Variants in KIRREL3 observed in about 807,000 individuals in gnomAD.
KIRREL3 encodes the protein kin of IRRE-like protein 3.
In KIRREL3, 36 loss-of-function variants were observed where a neutral mutation model predicts 89.7. That is an observed-to-expected ratio of 0.40 (90% CI 0.31 to 0.53). The LOEUF (loss-of-function observed/expected upper bound fraction) is 0.53, where lower values mean the gene tolerates loss of function less well. Ranked by LOEUF, KIRREL3 falls within the 20% of genes least tolerant of loss-of-function variation. KIRREL3 has a pLI of 0.49. For missense variants in KIRREL3, 864 were observed against 1,056.6 expected (o/e 0.82, Z 2.53); for synonymous variants, 445 against 441.4 (o/e 1.01, Z -0.10).
rs771036286 is a variant in KIRREL3 at position 126,444,985 on chromosome 11, C to T, written c.1246G>A (p.Val416Ile). The T allele has an allele frequency of 2.3e-5, 37 of 1,613,716 alleles. No homozygotes were observed. The highest frequency in any genetic ancestry group is 2.7e-5 in the African/African-American group (2 of 74,938). ...GAGEREVTLTVNGPPIISSTQ... is the reference protein window; with the variant it reads ...GAGEREVTLTINGPPIISSTQ... ...ACCCCAGCGAGGGTCTTACCATTGA[C>T]GGTCAGGGTCACCTCTCTCTCCCCG... Residue 416 changes from valine (V) to isoleucine (I), a missense_variant, in exon 10 of 17, where the codon GTC becomes ATC. Val to Ile is a conservative substitution (Grantham distance 29, BLOSUM62 3). Transcript: ENST00000525144.
rs996940551 is a variant in KIRREL3 at position 126,651,406 on chromosome 11, C to G, written c.56-88494G>C. 6.6e-6 allele frequency among the ~76,000 whole-genome samples: 1 copy of G among 152,218 alleles called. No individual in the cohort carries two copies. Among genetic ancestry groups the G allele is most frequent in the Non-Finnish European group, 1.5e-5 (1 of 68,046 alleles). ...ACTATTTTTGAGAACCATGCATGCT[C>G]TTTCCAGATATCAGTGGACAGCATC... On this transcript the variant is annotated intron_variant, in intron 1 of 16. Coordinates refer to ENST00000525144, the MANE Select transcript of KIRREL3 (RefSeq NM_032531.4). This position sits in a 1 kb window ranked among gnomAD's most constrained non-coding sequence, Gnocchi z 4.6.
intron 1 of KIRREL3, among the ~76,000 whole-genome samples, chr11:126,861,203 A>G (rs1322407144): frequency 1.3e-5 from 2 of 152,122 alleles, no homozygotes; most frequent in African/African-American, 4.8e-5. Context: ...GGAATGTAAC[A>G]TTTAGGCTGC....
At chr11:126,732,272 G>A (rs1356842361) in intron 1 of KIRREL3, among the ~76,000 whole-genome samples, 3 of 152,174 alleles carry the variant, frequency 2.0e-5, no homozygotes, top group Non-Finnish European at 4.4e-5. Context: ...TAATGATTCC[G>A]CAGTTTATAA....
In KIRREL3 at chr11:126,521,265, C is replaced by A. The variant is rs1453458161; in HGVS notation, c.433+50G>T. On this transcript the variant is annotated intron_variant, in intron 4 of 16. Coordinates refer to ENST00000525144, the MANE Select transcript of KIRREL3 (RefSeq NM_032531.4). The surrounding 1 kb of genome is among the most constrained non-coding windows in gnomAD (Gnocchi z 4.1). ...AAAAAAATACCCTCTTGGAGCTGAG[C>A]CCTTGGTGCTTCACGCAGTGTCCCA... is the stretch of plus-strand genomic sequence containing the variant. 5.4e-6 allele frequency: 8 copies of A among 1,468,796 alleles called. No homozygotes were observed. Among genetic ancestry groups the A allele is most frequent in the African/African-American group, 2.8e-5 (2 of 70,940 alleles). 91.0% of individuals were successfully genotyped at this position (1,468,796 alleles called of 1,614,324 possible).
chr11:126,776,099 C>A lies in KIRREL3; in HGVS notation c.56-213187G>T, dbSNP rs1261086568. On this transcript the variant is annotated intron_variant, in intron 1 of 16. Coordinates refer to ENST00000525144, the MANE Select transcript of KIRREL3 (RefSeq NM_032531.4). The surrounding 1 kb of genome is among the most constrained non-coding windows in gnomAD (Gnocchi z 4.7). ...GCCTGGCCTGGGGATTGTGGGGTGACCTTCGCTGCAGGGGATCCCTGAGTT... is the reference window on the plus strand; with the variant it reads ...GCCTGGCCTGGGGATTGTGGGGTGAACTTCGCTGCAGGGGATCCCTGAGTT... Among the ~76,000 whole-genome samples the A allele has an allele frequency of 6.6e-6, 1 of 152,180 alleles. No individual in the cohort carries two copies. The highest frequency in any genetic ancestry group is 1.5e-5 in the Non-Finnish European group (1 of 68,036).
In KIRREL3 at chr11:126,710,258, G is replaced by C. The variant is rs1013691071; in HGVS notation, c.56-147346C>G. 7.9e-5 allele frequency among the ~76,000 whole-genome samples: 12 copies of C among 152,136 alleles called. No homozygotes were observed. The highest frequency in any genetic ancestry group is 2.9e-4 in the African/African-American group (12 of 41,434). On this transcript the variant is annotated intron_variant, in intron 1 of 16. Transcript: ENST00000525144. The surrounding 1 kb of genome is among the most constrained non-coding windows in gnomAD (Gnocchi z 4.2). The stretch of plus-strand genomic sequence containing the variant: ...TTCTCGGAGCAGTGCCTTGTCTTAG[G>C]GGGGCATGTTCACTGAACTCATGAG...
rs1187199869 is a variant in KIRREL3 at position 126,578,310 on chromosome 11, A to T, written c.56-15398T>A. On this transcript the variant is annotated intron_variant, in intron 1 of 16. Transcript: ENST00000525144. This position sits in a 1 kb window ranked among gnomAD's most constrained non-coding sequence, Gnocchi z 4.9. The stretch of plus-strand genomic sequence containing the variant: ...TCTGCAAATGCAAGACTCTGGCTTC[A>T]TTCCCTGGTCCTTCCTCAGTATCTC... 6.6e-6 allele frequency among the ~76,000 whole-genome samples: 1 copy of T among 152,338 alleles called. No homozygotes were observed. The highest frequency in any genetic ancestry group is 3.4e-3 in the Middle Eastern group (1 of 294).
rs1464951735 is a variant in KIRREL3 at position 126,981,326 on chromosome 11, T to C, written c.55+19129A>G. On this transcript the variant is annotated intron_variant, in intron 1 of 16. Coordinates refer to ENST00000525144, the MANE Select transcript of KIRREL3 (RefSeq NM_032531.4). The surrounding 1 kb of genome is among the most constrained non-coding windows in gnomAD (Gnocchi z 4.2). The stretch of plus-strand genomic sequence containing the variant: ...TACTGCTGATGGCTGCAGTGACCAG[T>C]ATCAAGTGATTTCTTATGAGACCCT... Among the ~76,000 whole-genome samples, 1 of 152,218 alleles carries C rather than the reference T, an allele frequency of 6.6e-6. No homozygotes were observed. Among genetic ancestry groups the C allele is most frequent in the Non-Finnish European group, 1.5e-5 (1 of 68,042 alleles).
chr11:126,589,379 C>G (rs1422383161), intron 1 of KIRREL3, among the ~76,000 whole-genome samples: 1 of 152,230 alleles, frequency 6.6e-6, no homozygotes, highest in African/African-American at 2.4e-5. Flanking sequence ...TGTCCGGGAA[C>G]TGTGCTGCTC....
At position 126,485,983 on chromosome 11, in the gene KIRREL3, C is replaced by T. The variant is rs1275495141; in HGVS notation, c.434-12517G>A. Among the ~76,000 whole-genome samples, 2 of 152,176 alleles carry T rather than the reference C, an allele frequency of 1.3e-5. No homozygotes were observed. Among genetic ancestry groups the T allele is most frequent in the African/African-American group, 2.4e-5 (1 of 41,446 alleles). ...AAAGTCAGCAGTGGCTTGGTTCGCT[C>T]CTTAAATTAGGAAGGGTGAATGTCC... On this transcript the variant is annotated intron_variant, in intron 4 of 16. Transcript: ENST00000525144. This position sits in a 1 kb window ranked among gnomAD's most constrained non-coding sequence, Gnocchi z 5.8.
rs1446670945 is a variant in KIRREL3, at chr11:126,709,436, C to T, written c.56-146524G>A. On this transcript the variant is annotated intron_variant, in intron 1 of 16. Coordinates refer to ENST00000525144, the MANE Select transcript of KIRREL3 (RefSeq NM_032531.4). This position sits in a 1 kb window ranked among gnomAD's most constrained non-coding sequence, Gnocchi z 4.0. ...TAACTGGCTAAAGTACAGGCAAACACCTGCTAATGAGTGGTGGTGGCAGTG... is the reference window on the plus strand; with the variant it reads ...TAACTGGCTAAAGTACAGGCAAACATCTGCTAATGAGTGGTGGTGGCAGTG... Among the ~76,000 whole-genome samples the T allele has an allele frequency of 6.6e-6, 1 of 152,176 alleles. No homozygotes were observed. Among genetic ancestry groups the T allele is most frequent in the East Asian group, 1.9e-4 (1 of 5,198 alleles).
At chr11:126,753,820 G>C (rs1198778937) in intron 1 of KIRREL3, among the ~76,000 whole-genome samples, 1 of 152,122 alleles carries the variant, frequency 6.6e-6, no homozygotes, top group East Asian at 1.9e-4. Flanking sequence ...CCCTCATGAG[G>C]CTCCATGCAT....
At chr11:126,840,648 G>C (rs1943933948) in intron 1 of KIRREL3, among the ~76,000 whole-genome samples, 1 of 152,106 alleles carries the variant, frequency 6.6e-6, no homozygotes, top group African/African-American at 2.4e-5. Context: ...TGCCATTCTG[G>C]GTAGCGTGAT....
At position 126,681,935 on chromosome 11, in the gene KIRREL3, T is replaced by C. The variant is rs1400121617; in HGVS notation, c.56-119023A>G. The C allele has an allele frequency of 6.6e-6, 3 of 454,014 alleles. No homozygotes were observed. The Admixed American group carries it at 7.1e-5, about 11-fold the overall frequency. 28.1% of individuals were successfully genotyped at this position (454,014 alleles called of 1,614,324 possible). ...CAACAGAAAGATTTTTCAGAATTTT[T>C]CAGCAACAGATTTTACACACAATTC... On this transcript the variant is annotated intron_variant, in intron 1 of 16. Transcript: ENST00000525144.
intron 4 of KIRREL3, among the ~76,000 whole-genome samples, chr11:126,504,778 G>A (rs1957970904): frequency 6.6e-6 from 1 of 152,098 alleles, no homozygotes; most frequent in Admixed American, 6.5e-5. Flanking sequence ...ACTGAATCCA[G>A]CAACATATAA....
chr11:126,520,945 G>A lies in KIRREL3; in HGVS notation c.433+370C>T, dbSNP rs1958566837. Among the ~76,000 whole-genome samples, 1 of 152,134 alleles carries A rather than the reference G, an allele frequency of 6.6e-6. No individual in the cohort carries two copies. The highest frequency in any genetic ancestry group is 6.5e-5 in the Admixed American group (1 of 15,274). ...GAGTGGGGGTCAGTTCAGAAAGAAG[G>A]GACCCACAGCCTGTGCCACATTCTT... On this transcript the variant is annotated intron_variant, in intron 4 of 16. Coordinates refer to ENST00000525144, the MANE Select transcript of KIRREL3 (RefSeq NM_032531.4). This position sits in a 1 kb window ranked among gnomAD's most constrained non-coding sequence, Gnocchi z 4.9.
At position 126,529,188 on chromosome 11, in the gene KIRREL3, C is replaced by T. The variant is rs1317412; in HGVS notation, c.134-2501G>A. ...GCGGGAGGTACTGGGTGAGGGCCCC[C>T]GGGGAAGTGGGGTGCAAGAAGCATC... On this transcript the variant is annotated intron_variant, in intron 2 of 16. Coordinates refer to ENST00000525144, the MANE Select transcript of KIRREL3 (RefSeq NM_032531.4). 7.3e-3 allele frequency among the ~76,000 whole-genome samples: 1,106 copies of T among 152,068 alleles called. 9 individuals carry two copies. Among genetic ancestry groups the T allele is most frequent in the African/African-American group, 0.025 (1,038 of 41,480 alleles).
chr11:126,506,826 T>C (rs1416251921), intron 4 of KIRREL3, among the ~76,000 whole-genome samples: 1 of 151,896 alleles, frequency 6.6e-6, no homozygotes, highest in Non-Finnish European at 1.5e-5. Flanking sequence ...GATTTTGCCA[T>C]GTTGGCCAAA....
chr11:126,500,978 T>C (rs1957840910), intron 4 of KIRREL3, among the ~76,000 whole-genome samples: 1 of 152,196 alleles, frequency 6.6e-6, no homozygotes, highest in East Asian at 1.9e-4. Context: ...TGCATCTGCA[T>C]GCGGATCCCA....
Sources: gnomAD v4.1 joint callset for allele counts (sites outside exome capture counted in the v4.1 genomes callset) on GRCh38, gnomAD v4.1.1 for gene constraint, Gnocchi (gnomAD v3.1) non-coding constraint, MANE v1.5 for transcripts, NCBI Gene and HGNC (gene_info 2026-07-23, HGNC 2026-07-21) for gene names.